Variants in ATP6V0A4 observed in about 807,000 individuals in gnomAD.
The protein encoded by ATP6V0A4 is ATPase H+ transporting V0 subunit a4.
In ATP6V0A4, 86 loss-of-function variants were observed where a neutral mutation model predicts 107.3. That is an observed-to-expected ratio of 0.80 (90% CI 0.67 to 0.96). The LOEUF (loss-of-function observed/expected upper bound fraction) is 0.96, where lower values mean the gene tolerates loss of function less well. Among genes scored for constraint, ATP6V0A4 ranks in the 40% least tolerant of loss-of-function variants. ATP6V0A4 has a pLI of 0.00. For synonymous variants in ATP6V0A4, 353 were observed against 381.4 expected (o/e 0.93, Z 0.87); for missense variants, 908 against 1,045.6 (o/e 0.87, Z 1.81).
Position 138,764,003 on chromosome 7 carries a change from TAC to T in ATP6V0A4, c.292-980_292-979del, listed in dbSNP as rs567525414. On this transcript the variant is annotated intron_variant, in intron 5 of 21. Coordinates refer to ENST00000310018, the MANE Select transcript of ATP6V0A4 (RefSeq NM_020632.3). ...ATATATATATATATATGTATATATA[TAC>T]ACACACACACGTATGTATATATGTA... Among the ~76,000 whole-genome samples, 119 of 148,536 alleles carry T rather than the reference TAC, an allele frequency of 8.0e-4. 1 individual carries two copies. The highest frequency in any genetic ancestry group is 5.5e-3 in the East Asian group (28 of 5,120).
chr7:138,765,893 G>A (rs1258922832), intron 5 of ATP6V0A4, among the ~76,000 whole-genome samples: 1 of 152,058 alleles, frequency 6.6e-6, no homozygotes, highest in Non-Finnish European at 1.5e-5. Context: ...GGGACCACAG[G>A]TGCACACCAC....
At chr7:138,753,134 T>G (rs1584927276) in intron 10 of ATP6V0A4, among the ~76,000 whole-genome samples, 1 of 152,324 alleles carries the variant, frequency 6.6e-6, no homozygotes, top group South Asian at 2.1e-4. Context: ...GAATATGGCC[T>G]TTTTGGAAAG....
chr7:138,707,201 T>TAATATATTATATATATTATAG (rs1803450790), intron 21 of ATP6V0A4, among the ~76,000 whole-genome samples: 2 of 79,860 alleles, frequency 2.5e-5, no homozygotes, highest in South Asian at 5.8e-4. Flanking sequence ...ATATATTATA[T>TAATATATTATATATATTATAG]AATATATTAT....
In ATP6V0A4 at chr7:138,739,538, A is replaced by G. The variant is rs768401223; in HGVS notation, c.1572+2T>C. The G allele has an allele frequency of 2.5e-6, 4 of 1,614,166 alleles. No homozygotes were observed. The Admixed American group carries it at 6.7e-5, about 27-fold the overall frequency. On this transcript the variant is annotated splice_donor_variant, in intron 15 of 21. Transcript: ENST00000310018. LOFTEE classifies it high-confidence loss of function. ...ATATTTAACCCAAGAAGACATTATT[A>G]CCGGATCAATCCCAAACGGGTATGG...
chr7:138,760,893 A>G (rs139731808), intron 7 of ATP6V0A4, among the ~76,000 whole-genome samples: 4 of 152,288 alleles, frequency 2.6e-5, no homozygotes, highest in Non-Finnish European at 5.9e-5. Context: ...TTGAATCACC[A>G]CATTATTTTC....
chr7:138,785,048 A>G (rs1808116240), intron 2 of ATP6V0A4, among the ~76,000 whole-genome samples: 1 of 152,230 alleles, frequency 6.6e-6, no homozygotes. Context: ...AGATCAATTT[A>G]CAGGAGGAGA....
At chr7:138,743,059 C>A (rs1047861215) in intron 14 of ATP6V0A4, among the ~76,000 whole-genome samples, 1 of 152,086 alleles carries the variant, frequency 6.6e-6, no homozygotes, top group South Asian at 2.1e-4. Flanking sequence ...GAAGAGACTG[C>A]GTTAGAATCT....
intron 1 of ATP6V0A4, among the ~76,000 whole-genome samples, chr7:138,791,256 T>C (rs1808398780): frequency 6.6e-6 from 1 of 151,762 alleles, no homozygotes; most frequent in Non-Finnish European, 1.5e-5. Flanking sequence ...TGACAAGAGA[T>C]TTCATAAAAG....
intron 2 of ATP6V0A4, among the ~76,000 whole-genome samples, chr7:138,778,629 G>A (rs1807780534): frequency 6.6e-6 from 1 of 152,094 alleles, no homozygotes; most frequent in South Asian, 2.1e-4. Context: ...CCAGGAAAGG[G>A]GCAGTCTGCC....
At chr7:138,753,736 C>T (rs530817811) in intron 10 of ATP6V0A4, among the ~76,000 whole-genome samples, 8 of 152,256 alleles carry the variant, frequency 5.3e-5, no homozygotes, top group Non-Finnish European at 7.4e-5. Flanking sequence ...ATGAGGCCAC[C>T]GAAGCATCTC....
chr7:138,768,349 C>T (rs1214456561), intron 5 of ATP6V0A4, among the ~76,000 whole-genome samples: 1 of 152,186 alleles, frequency 6.6e-6, no homozygotes, highest in East Asian at 1.9e-4. Flanking sequence ...AGTTGACCTA[C>T]AGAAGCCAGT....
intron 21 of ATP6V0A4, among the ~76,000 whole-genome samples, chr7:138,707,351 A>T (rs1483462465): frequency 1.2e-4 from 9 of 75,448 alleles, no homozygotes; most frequent in African/African-American, 1.7e-4. Context: ...ATATATTATA[A>T]TATATATTAT....
At chr7:138,762,141 T>A (rs2117314753) in intron 7 of ATP6V0A4, among the ~76,000 whole-genome samples, 199 bp downstream of exon 7, 1 of 152,266 alleles carries the variant, frequency 6.6e-6, no homozygotes, top group African/African-American at 2.4e-5. Context: ...GAGGTCAGCA[T>A]CGCCACTAAC....
intron 20 of ATP6V0A4, among the ~76,000 whole-genome samples, chr7:138,713,026 C>T (rs755400349): frequency 4.9e-4 from 74 of 151,982 alleles, no homozygotes; most frequent in Non-Finnish European, 2.4e-4. Context: ...CGCGGTGGCT[C>T]ACGCCTGTAA....
intron 2 of ATP6V0A4, among the ~76,000 whole-genome samples, chr7:138,772,479 G>A (rs1426440821): frequency 1.3e-5 from 2 of 152,138 alleles, no homozygotes; most frequent in African/African-American, 4.8e-5. Flanking sequence ...AATGGTGCGA[G>A]TTAGGTTAGC....
chr7:138,732,833 A>C, intron 17 of ATP6V0A4, 44 bp downstream of exon 17: 1 of 1,469,394 alleles, frequency 6.8e-7, no homozygotes, highest in Non-Finnish European at 9.2e-7. Flanking sequence ...TGACATAATC[A>C]AGTAAATAAA....
intron 2 of ATP6V0A4, among the ~76,000 whole-genome samples, chr7:138,785,599 T>A (rs1238761656): frequency 1.3e-5 from 2 of 152,142 alleles, no homozygotes; most frequent in African/African-American, 4.8e-5. Flanking sequence ...ACTTCTTCAC[T>A]GTTGGCCAGG....
intron 10 of ATP6V0A4, among the ~76,000 whole-genome samples, chr7:138,753,537 C>T (rs1806343675): frequency 6.6e-6 from 1 of 152,170 alleles, no homozygotes; most frequent in South Asian, 2.1e-4. Flanking sequence ...CATACATAAT[C>T]CCTCCAATAA....
At chr7:138,759,219 T>C (rs537265944) in intron 8 of ATP6V0A4, among the ~76,000 whole-genome samples, 1 of 151,694 alleles carries the variant, frequency 6.6e-6, no homozygotes, top group East Asian at 1.9e-4. Context: ...GCCACCACAC[T>C]TGGTTAACTT....
Sources: allele counts gnomAD v4.1 joint callset (sites outside exome capture counted in the v4.1 genomes callset), GRCh38; gene constraint gnomAD v4.1.1; transcripts MANE v1.5; gene names NCBI Gene and HGNC (gene_info 2026-07-23, HGNC 2026-07-21).